SLC39A11: variants seen among roughly 807,000 people sequenced by gnomAD.
SLC39A11 encodes the protein zinc transporter ZIP11.
SLC39A11 carries 33 observed loss-of-function variants against 36.1 expected under a neutral mutation model. That is an observed-to-expected ratio of 0.91 (90% confidence interval 0.69 to 1.22). The LOEUF is 1.22. Among genes scored for constraint, SLC39A11 ranks in the 50% most tolerant of loss-of-function variants. SLC39A11 has a pLI of 0.00. For synonymous variants in SLC39A11, 166 were observed against 170.3 expected (o/e 0.97, Z 0.20); for missense variants, 432 against 430.3 (o/e 1.00, Z -0.03).
intron 7 of SLC39A11, among the ~76,000 whole-genome samples, chr17:72,659,559 G>A (rs578129344): frequency 9.6e-5 from 14 of 145,896 alleles, no homozygotes; most frequent in Non-Finnish European, 1.5e-4. Context: ...TCTCTTACAC[G>A]TGTCCTCTGT....
At chr17:72,720,679 C>T (rs1478160101) in intron 7 of SLC39A11, among the ~76,000 whole-genome samples, 1 of 152,170 alleles carries the variant, frequency 6.6e-6, no homozygotes, top group Non-Finnish European at 1.5e-5. Context: ...GGGAGCTTTT[C>T]CTAGAGAAAT....
At chr17:72,955,469 ATTT>A (rs57079729) in intron 4 of SLC39A11, among the ~76,000 whole-genome samples, 2 of 128,684 alleles carry the variant, frequency 1.6e-5, no homozygotes, top group Admixed American at 8.0e-5. Flanking sequence ...CGTCTGGCTA[ATTT>A]TTTTTTTTTT....
intron 4 of SLC39A11, among the ~76,000 whole-genome samples, chr17:72,974,519 T>C (rs1166942525): frequency 1.3e-5 from 2 of 150,220 alleles, no homozygotes; most frequent in Admixed American, 6.6e-5. Flanking sequence ...AACAAGAAAA[T>C]ACCTTTGTAC....
chr17:72,743,708 C>T (rs1170206640), intron 6 of SLC39A11, among the ~76,000 whole-genome samples: 1 of 151,956 alleles, frequency 6.6e-6, no homozygotes, highest in Non-Finnish European at 1.5e-5. Context: ...AGAATTCAGG[C>T]CGACACTGAA....
chr17:72,875,686 T>C (rs1156525823), intron 5 of SLC39A11, among the ~76,000 whole-genome samples: 3 of 152,176 alleles, frequency 2.0e-5, no homozygotes, highest in Admixed American at 2.0e-4. Context: ...ATGATCTAAT[T>C]CGGAGTCATT....
At chr17:73,090,860 C>G (rs1318395827) in intron 1 of SLC39A11, among the ~76,000 whole-genome samples, 1 of 152,098 alleles carries the variant, frequency 6.6e-6, no homozygotes, top group Non-Finnish European at 1.5e-5. Context: ...GAGGGAAGAC[C>G]GAGGCCACCA....
intron 7 of SLC39A11, among the ~76,000 whole-genome samples, chr17:72,672,083 T>C (rs2071048036): frequency 6.6e-6 from 1 of 152,208 alleles, no homozygotes; most frequent in South Asian, 2.1e-4. Context: ...TGTGAGTTGA[T>C]GGATATGCTA....
intron 3 of SLC39A11, among the ~76,000 whole-genome samples, chr17:73,075,595 A>G (rs1350119081): frequency 4.2e-4 from 64 of 152,114 alleles, no homozygotes; most frequent in African/African-American, 1.4e-3. Flanking sequence ...GCTCACGCCT[A>G]TAATCTCAGC....
intron 4 of SLC39A11, among the ~76,000 whole-genome samples, chr17:72,952,253 T>G (rs982871835): frequency 2.0e-5 from 3 of 152,208 alleles, no homozygotes; most frequent in African/African-American, 7.2e-5. Context: ...CAGGGCTCTT[T>G]TTAGACACCT....
At chr17:73,074,806 T>C (rs752274540) in intron 3 of SLC39A11, among the ~76,000 whole-genome samples, 74 of 152,342 alleles carry the variant, frequency 4.9e-4, no homozygotes, top group Middle Eastern at 3.4e-3. Flanking sequence ...ATGTCTTTCA[T>C]AAGAAACCAG....
chr17:72,964,469 G>A (rs1055053870), intron 4 of SLC39A11, among the ~76,000 whole-genome samples: 1 of 152,136 alleles, frequency 6.6e-6, no homozygotes, highest in Non-Finnish European at 1.5e-5. Flanking sequence ...CAGAAAACAG[G>A]CATAAAACTA....
intron 3 of SLC39A11, among the ~76,000 whole-genome samples, chr17:73,048,684 G>A (rs1568187156): frequency 6.6e-6 from 1 of 152,076 alleles, no homozygotes; most frequent in East Asian, 1.9e-4. Flanking sequence ...CTCCTGAGGT[G>A]GAGCTTATCT....
rs191095042 is a variant in SLC39A11, at chr17:72,833,879, C to A, written c.601+15755G>T. On this transcript the variant is annotated intron_variant, in intron 6 of 9. Transcript: ENST00000255559. ...CAGGAAATAAGAAAAAAACTCAGAACCAACAGGAGCAAGAGAATGGTATCA... is the reference window on the plus strand; with the variant it reads ...CAGGAAATAAGAAAAAAACTCAGAAACAACAGGAGCAAGAGAATGGTATCA... Among the ~76,000 whole-genome samples, 28 of 152,298 alleles carry A rather than the reference C, an allele frequency of 1.8e-4. No individual in the cohort carries two copies. In the East Asian group the frequency reaches 4.8e-3, roughly 26 times the overall value.
chr17:72,817,012 G>A (rs2077604715), intron 6 of SLC39A11, among the ~76,000 whole-genome samples: 1 of 151,934 alleles, frequency 6.6e-6, no homozygotes, highest in South Asian at 2.1e-4. Flanking sequence ...TGCAGTAATG[G>A]TTTGCTATGG....
rs936517264 is a variant in SLC39A11 at position 72,694,774 on chromosome 17, T to C, written c.671+41876A>G. ...ACCCTGGGCCACCAGAGAGAAGACC[T>C]GGGGCTGGGGTCTGCTGACTGTCAT... On this transcript the variant is annotated intron_variant, in intron 7 of 9. Transcript: ENST00000255559. Among the ~76,000 whole-genome samples, 17 of 152,230 alleles carry C rather than the reference T, an allele frequency of 1.1e-4. 1 individual carries two copies. The highest frequency in any genetic ancestry group is 2.5e-4 in the Non-Finnish European group (17 of 68,032).
intron 5 of SLC39A11, among the ~76,000 whole-genome samples, chr17:72,902,222 G>C (rs1276987551): frequency 6.6e-6 from 1 of 151,496 alleles, no homozygotes; most frequent in African/African-American, 2.4e-5. Flanking sequence ...GGTGATCCGA[G>C]ATCATGCCAT....
intron 7 of SLC39A11, among the ~76,000 whole-genome samples, chr17:72,658,191 A>T (rs901749169): frequency 2.7e-5 from 4 of 150,826 alleles, no homozygotes; most frequent in Non-Finnish European, 5.9e-5. Flanking sequence ...CTGGGCCCAC[A>T]AGGGGTGCCA....
Position 73,083,593 on chromosome 17 carries a change from TC to T in SLC39A11, c.147+1214del, listed in dbSNP as rs140054539. Among the ~76,000 whole-genome samples the T allele has an allele frequency of 5.6e-3, 854 of 152,220 alleles. 19 individuals carry two copies. In the East Asian group the frequency reaches 0.062, roughly 11 times the overall value. ...AATCTGAACTAATCAAGACTCCAGGTCTAACTCTCAGCTTACAGGAAATACA... is the reference window on the plus strand; with the variant it reads ...AATCTGAACTAATCAAGACTCCAGGTTAACTCTCAGCTTACAGGAAATACA... On this transcript the variant is annotated intron_variant, in intron 3 of 9. Transcript: ENST00000255559.
At chr17:72,773,679 C>CACACACACACACACACACACACACACACA (rs57105900) in intron 6 of SLC39A11, among the ~76,000 whole-genome samples, 4 of 145,724 alleles carry the variant, frequency 2.7e-5, no homozygotes, top group African/African-American at 1.0e-4. Flanking sequence ...ACACACACAC[C>CACACACACACACACACACACACACACACA]CAGTATATAA....
Sources: allele counts gnomAD v4.1 joint callset (sites outside exome capture counted in the v4.1 genomes callset), GRCh38; gene constraint gnomAD v4.1.1; transcripts MANE v1.5; gene names NCBI Gene and HGNC (gene_info 2026-07-23, HGNC 2026-07-21).